The following TEDC1 variants were observed in gnomAD, a reference collection of about 807,000 sequenced individuals.
TEDC1 encodes the protein tubulin epsilon and delta complex protein 1.
In TEDC1, 54 loss-of-function variants were observed where a neutral mutation model predicts 59.9. That is an observed-to-expected ratio of 0.90 (90% CI 0.72 to 1.13). The LOEUF is 1.13. Ranked by LOEUF, TEDC1 falls within the 50% of genes most tolerant of loss-of-function variation. The pLI, the probability that TEDC1 is intolerant of heterozygous loss-of-function variation, is 0.00. For missense variants in TEDC1, 734 were observed against 683.4 expected, an observed-to-expected ratio of 1.07 and a Z score of -0.83; for synonymous variants, 353 against 298.1, an observed-to-expected ratio of 1.18 and a Z score of -1.90.
Position 105,492,317 on chromosome 14 carries a change from T to G in TEDC1, c.429+8T>G. The G allele has an allele frequency of 6.2e-7, 1 of 1,600,412 alleles. No homozygotes were observed. Among genetic ancestry groups the G allele is most frequent in the South Asian group, 1.1e-5 (1 of 90,968 alleles). ...GAGATGACTGTGTGCCAGGTGCGTG[T>G]GGGTGAGGGTGAGCTGAGCCAGCCC... On this transcript the variant is annotated splice_region_variant and intron_variant, in intron 3 of 8. Transcript: ENST00000392523.
Position 105,492,713 on chromosome 14 carries a change from G to C in TEDC1, c.564G>C (p.Glu188Asp). The change falls in exon 4 of 9, where the codon GAG becomes GAC. Residue 188 changes from glutamate to aspartate, a missense_variant. Coordinates refer to ENST00000392523, the MANE Select transcript of TEDC1 (RefSeq NM_001367178.1). ...RWRQLVSSQQEQCALLSKIHL... is the reference protein window; with the variant it reads ...RWRQLVSSQQDQCALLSKIHL... ...GCCAGCTGGTGTCCAGTCAGCAGGA[G>C]CAGTGCGCCCTCCTGAGCAAGGTAG... 1 of 1,543,722 alleles carries C rather than the reference G, an allele frequency of 6.5e-7. No individual in the cohort carries two copies. The highest frequency in any genetic ancestry group is 8.7e-7 in the Non-Finnish European group (1 of 1,146,862).
chr14:105,494,107 G>A, intron 5 of TEDC1, 174 bp downstream of exon 5: 1 of 626,338 alleles, frequency 1.6e-6, no homozygotes, highest in South Asian at 1.9e-5. Flanking sequence ...CAGCTTCTCT[G>A]GGCCTCTCCT....
chr14:105,493,183 G>A (rs868982257), intron 4 of TEDC1, among the ~76,000 whole-genome samples: 1 of 152,024 alleles, frequency 6.6e-6, no homozygotes, highest in South Asian at 2.1e-4. Context: ...GCTGGCTCAG[G>A]GGCACAGGTA....
chr14:105,490,937 T>A, upstream of TEDC1: 1 of 1,218,770 alleles, frequency 8.2e-7, no homozygotes, highest in South Asian at 1.3e-5. Flanking sequence ...TCGTGACGAT[T>A]GAGCCTGCAA....
rs587708518 is a variant in TEDC1 at position 105,492,275 on chromosome 14, G to A, written c.395G>A (p.Arg132Gln). Reference sequence around the variant, plus strand: ...CCCGAGCAGATGCTGGCCCAGGCCCGAGTGCCTCTGGGTGACGAGATGACT... The same window carrying A: ...CCCGAGCAGATGCTGGCCCAGGCCCAAGTGCCTCTGGGTGACGAGATGACT... ...PVPEQMLAQA[R>Q]VPLGDEMTVC... The change falls in exon 3 of 9, where the codon CGA becomes CAA. Residue 132 changes from arginine to glutamine, a missense_variant. Transcript: ENST00000392523. 7.5e-6 allele frequency: 12 copies of A among 1,607,788 alleles called. No individual in the cohort carries two copies. The East Asian group carries it at 1.8e-4, about 24-fold the overall frequency.
At chr14:105,490,808 C>T, upstream of TEDC1, 4 of 599,300 alleles carry the variant, frequency 6.7e-6, no homozygotes, top group Middle Eastern at 9.0e-4. Context: ...GCTCCGACTG[C>T]GTAAGCGGCC....
upstream of TEDC1, chr14:105,490,683 C>G (rs1555439038): frequency 1.1e-5 from 2 of 176,696 alleles, no homozygotes; most frequent in East Asian, 1.6e-4. Flanking sequence ...CCCGGGACTT[C>G]GCGCCAGGGG....
rs587594688 is a variant in TEDC1, at chr14:105,494,571, C to T, written c.684+638C>T. On this transcript the variant is annotated intron_variant, in intron 5 of 8. Coordinates refer to ENST00000392523, the MANE Select transcript of TEDC1 (RefSeq NM_001367178.1). ...CGGGGCTCTGTGGTCCCAGGCAGAT[C>T]CTGAGCCCTGGATAGCATAGACCTG... The T allele has an allele frequency of 1.2e-3, 186 of 154,174 alleles. 1 individual carries two copies. The highest frequency in any genetic ancestry group is 4.0e-3 in the South Asian group (20 of 4,956). 9.6% of individuals were successfully genotyped at this position (154,174 alleles called of 1,614,324 possible).
chr14:105,497,573 T>A, intron 7 of TEDC1, 130 bp downstream of exon 7: 1 of 1,210,174 alleles, frequency 8.3e-7, no homozygotes, highest in Non-Finnish European at 1.1e-6. Context: ...TAGTGTAGGC[T>A]CTTTCTAGGA....
At chr14:105,491,836 A>G (rs1555439456) in intron 2 of TEDC1, 136 bp downstream of exon 2, 20 of 1,106,466 alleles carry the variant, frequency 1.8e-5, no homozygotes, top group African/African-American at 6.3e-5. Flanking sequence ...GCTCCTCAAA[A>G]CTCCGCCTTC....
rs1567072071 is a variant in TEDC1 at position 105,491,706 on chromosome 14, C to A, written c.226+6C>A. On this transcript the variant is annotated splice_donor_region_variant and intron_variant, in intron 2 of 8. Transcript: ENST00000392523. ...CTTGGCATCGCTCGCCCTGGGTAAGCCCCGCTCCTGGCCCCGCCCACCCGG... is the reference window on the plus strand; with the variant it reads ...CTTGGCATCGCTCGCCCTGGGTAAGACCCGCTCCTGGCCCCGCCCACCCGG... 1 of 1,547,160 alleles carries A rather than the reference C, an allele frequency of 6.5e-7. No homozygotes were observed.
intron 7 of TEDC1, 22 bp downstream of exon 7, chr14:105,497,465 T>C (rs2084372752): frequency 3.2e-6 from 5 of 1,539,474 alleles, no homozygotes; most frequent in Non-Finnish European, 1.7e-6. Context: ...CGCGCATCCC[T>C]CTCCCGGCAT....
At chr14:105,492,441 C>T (rs1442326107) in intron 3 of TEDC1, 132 bp downstream of exon 3, 4 of 1,483,454 alleles carry the variant, frequency 2.7e-6, no homozygotes, top group South Asian at 1.3e-5. Context: ...TACCCAGCTG[C>T]CCAGCTGAAA....
At chr14:105,498,571 C>T (rs2084398753) in intron 8 of TEDC1, 46 bp from the exon 9 acceptor site, 1 of 1,477,636 alleles carries the variant, frequency 6.8e-7, no homozygotes, top group Non-Finnish European at 9.0e-7. Flanking sequence ...GAGCCTGAGG[C>T]CAGTGTCCTG....
chr14:105,491,052 C>T (rs1434877260), upstream of TEDC1: 9 of 1,551,180 alleles, frequency 5.8e-6, no homozygotes, highest in African/African-American at 1.4e-5. Context: ...GGGAACCGTT[C>T]ATTGGGCTTG....
In TEDC1 at chr14:105,498,775, G is replaced by A. The variant is rs782189087; in HGVS notation, c.1317G>A (p.Gly439=). Residue 439 remains glycine, a synonymous_variant, in exon 9 of 9, where the codon GGG becomes GGA. Coordinates refer to ENST00000392523, the MANE Select transcript of TEDC1 (RefSeq NM_001367178.1). ...ACCGGCTGGTGAGACGAGAGGATGG[G>A]GCAGCAGGGGACCGGGACCTGCGGG... The part of the protein sequence containing the change: ...GPHRLVRRED[G]AAGDRDLRAA... 1.0e-5 allele frequency: 16 copies of A among 1,571,056 alleles called. No homozygotes were observed. Among genetic ancestry groups the A allele is most frequent in the South Asian group, 2.3e-5 (2 of 85,890 alleles).
chr14:105,498,254 G>A (rs151139251), intron 8 of TEDC1, among the ~76,000 whole-genome samples: 48 of 152,232 alleles, frequency 3.2e-4, no homozygotes, highest in Non-Finnish European at 3.4e-4. Context: ...GCTCCCATGC[G>A]TCCGCCACAC....
intron 5 of TEDC1, chr14:105,494,204 G>C: frequency 1.9e-6 from 1 of 539,494 alleles, no homozygotes; most frequent in Non-Finnish European, 3.4e-6. Flanking sequence ...GGGCTGGGCA[G>C]GCAGCTGGCT....
chr14:105,498,731 G>A lies in TEDC1; in HGVS notation c.1273G>A (p.Ala425Thr), dbSNP rs2084403911. 1 of 1,556,268 alleles carries A rather than the reference G, an allele frequency of 6.4e-7. No individual in the cohort carries two copies. Among genetic ancestry groups the A allele is most frequent in the East Asian group, 2.4e-5 (1 of 41,564 alleles). The change falls in exon 9 of 9, where the codon GCC (alanine) becomes ACC (threonine). Residue 425 changes from alanine (A) to threonine (T), a missense_variant. Transcript: ENST00000392523. The part of the protein sequence containing the change: ...QQCWERDGGP[A>T]QPHGPHRLVR... ...GTGCTGGGAGCGAGACGGTGGCCCG[G>A]CCCAGCCCCATGGGCCACACCGGCT...
Sources: gnomAD v4.1 joint callset for allele counts (sites outside exome capture counted in the v4.1 genomes callset) on GRCh38, gnomAD v4.1.1 for gene constraint, MANE v1.5 for transcripts, NCBI Gene and HGNC (gene_info 2026-07-23, HGNC 2026-07-21) for gene names.